Variants in GLIS3 observed in about 807,000 individuals in gnomAD.
GLIS3 encodes GLIS family zinc finger 3.
In GLIS3, 53 loss-of-function variants were observed where a neutral mutation model predicts 78.6. The ratio of observed to expected loss-of-function variants is 0.67; its 90% confidence interval spans 0.54 to 0.85. The LOEUF is 0.85. Ranked by LOEUF, GLIS3 falls within the 40% of genes least tolerant of loss-of-function variation. The pLI is 0.00. For missense variants in GLIS3, 1,703 were observed against 1,231.1 expected (o/e 1.38, Z -5.74); for synonymous variants, 684 against 509.9 (o/e 1.34, Z -4.60).
chr9:4,312,102 T>C (rs1817370105), intron 2 of GLIS3, among the ~76,000 whole-genome samples: 1 of 152,354 alleles, frequency 6.6e-6, no homozygotes, highest in South Asian at 2.1e-4. Context: ...TTTACCTGTA[T>C]AACAAACCTA....
At chr9:4,260,108 C>T (rs148583531) in intron 2 of GLIS3, among the ~76,000 whole-genome samples, 2 of 152,280 alleles carry the variant, frequency 1.3e-5, no homozygotes, top group African/African-American at 4.8e-5. Context: ...ATCCCCATAC[C>T]CTTCAGCTGA....
chr9:4,059,829 T>TGTGTGTGTGA, intron 4 of GLIS3, among the ~76,000 whole-genome samples: 1,621 of 100,646 alleles, frequency 0.016, 34 homozygotes, highest in Middle Eastern at 0.051. Flanking sequence ...TGTGTGTGTG[T>TGTGTGTGTGA]GAGAGAGAGA....
chr9:4,103,728 A>C (rs10814844), intron 4 of GLIS3, among the ~76,000 whole-genome samples: 44,301 of 152,132 alleles, frequency 0.29, 7,333 homozygotes, highest in South Asian at 0.43. Flanking sequence ...TTTTAAGAGC[A>C]TAAGACCATG....
chr9:4,156,451 T>C (rs1835046968), intron 2 of GLIS3, among the ~76,000 whole-genome samples: 1 of 152,208 alleles, frequency 6.6e-6, no homozygotes, highest in South Asian at 2.1e-4. Flanking sequence ...AGGTGCCAGC[T>C]GTATAACAAT....
the GLIS3 span, among the ~76,000 whole-genome samples, chr9:4,372,556 A>AT: frequency 3.7e-4 from 16 of 43,720 alleles, no homozygotes; most frequent in African/African-American, 2.1e-3. Flanking sequence ...CCCTCCAATA[A>AT]AAAAAAAAAA....
intron 4 of GLIS3, among the ~76,000 whole-genome samples, chr9:4,017,212 A>G (rs1437514642): frequency 6.6e-6 from 1 of 152,142 alleles, no homozygotes; most frequent in Non-Finnish European, 1.5e-5. Context: ...TTGGCTAGGC[A>G]TTTTCTTAGG....
chr9:4,215,952 T>C lies in GLIS3; in HGVS notation c.388+70086A>G, dbSNP rs137960843. On this transcript the variant is annotated intron_variant, in intron 2 of 10. Coordinates refer to ENST00000381971, the MANE Select transcript of GLIS3 (RefSeq NM_001042413.2). ...ACTAAAAAAGCTGATTCTAATGAAA[T>C]TATTAATTCAAATATAACTCTCATT... 7.7e-3 allele frequency among the ~76,000 whole-genome samples: 1,169 copies of C among 152,286 alleles called. 10 individuals carry two copies. Among genetic ancestry groups the C allele is most frequent in the Non-Finnish European group, 0.013 (851 of 68,022 alleles).
chr9:4,399,155 G>A, the GLIS3 span, among the ~76,000 whole-genome samples: 1 of 152,186 alleles, frequency 6.6e-6, no homozygotes, highest in Non-Finnish European at 1.5e-5. Flanking sequence ...CTAGAAGGAG[G>A]ATATTGACTG....
rs181363010 is a variant in GLIS3, at chr9:4,040,648, T to C, written c.1710+77120A>G. ...CCAGCACTTTGGAGAACTATTAATG[T>C]GGACGATAAAGACAGAGTTTCTTCA... On this transcript the variant is annotated intron_variant, in intron 4 of 10. Coordinates refer to ENST00000381971, the MANE Select transcript of GLIS3 (RefSeq NM_001042413.2). Among the ~76,000 whole-genome samples the C allele has an allele frequency of 3.6e-4, 55 of 152,290 alleles. No homozygotes were observed. The East Asian group carries it at 9.5e-3, about 26-fold the overall frequency.
chr9:4,369,887 G>C, the GLIS3 span, among the ~76,000 whole-genome samples: 1 of 152,116 alleles, frequency 6.6e-6, no homozygotes, highest in East Asian at 1.9e-4. Context: ...TGGAGAGATA[G>C]CAAAAGGAAT....
intron 4 of GLIS3, among the ~76,000 whole-genome samples, chr9:4,093,981 A>T (rs1352229258): frequency 1.3e-5 from 2 of 152,156 alleles, no homozygotes; most frequent in Non-Finnish European, 2.9e-5. Flanking sequence ...AGTTCTTAAG[A>T]GTGATTCATT....
chr9:4,024,247 C>T (rs922514958), intron 4 of GLIS3, among the ~76,000 whole-genome samples: 11 of 152,188 alleles, frequency 7.2e-5, no homozygotes, highest in Non-Finnish European at 1.2e-4. Flanking sequence ...AATAAACCTT[C>T]TCAAAAAGGA....
the GLIS3 span, among the ~76,000 whole-genome samples, chr9:4,426,337 G>A: frequency 6.6e-6 from 1 of 152,102 alleles, no homozygotes; most frequent in Non-Finnish European, 1.5e-5. Flanking sequence ...TGCTCCAAAG[G>A]TCTTCATCTG....
intron 2 of GLIS3, among the ~76,000 whole-genome samples, chr9:4,341,119 G>T (rs1430270533): frequency 6.6e-6 from 1 of 152,192 alleles, no homozygotes; most frequent in Non-Finnish European, 1.5e-5. Context: ...TAGAACTTAT[G>T]TGTTTCCTTT....
intron 6 of GLIS3, among the ~76,000 whole-genome samples, chr9:3,907,167 G>C (rs147407553): frequency 2.6e-5 from 4 of 152,282 alleles, no homozygotes; most frequent in Non-Finnish European, 5.9e-5. Flanking sequence ...TGTGCACTGG[G>C]GCTTTGTTTC....
At chr9:4,407,970 A>T in the GLIS3 span, among the ~76,000 whole-genome samples, 17 of 152,340 alleles carry the variant, frequency 1.1e-4, no homozygotes, top group African/African-American at 4.1e-4. Flanking sequence ...CTGAAAAGAC[A>T]TTTCTAAGAT....
intron 2 of GLIS3, among the ~76,000 whole-genome samples, chr9:4,235,329 G>C (rs1340228771): frequency 2.0e-5 from 3 of 151,320 alleles, no homozygotes; most frequent in Non-Finnish European, 4.4e-5. Context: ...GATGGGGGGA[G>C]TCATTGAGTG....
intron 2 of GLIS3, among the ~76,000 whole-genome samples, chr9:4,136,307 T>C (rs773429999): frequency 1.3e-5 from 2 of 152,192 alleles, no homozygotes; most frequent in Non-Finnish European, 2.9e-5. Flanking sequence ...AATCCCTTTG[T>C]ACTAGGTAAT....
chr9:3,899,051 G>C, intron 6 of GLIS3: 1 of 618,516 alleles, frequency 1.6e-6, no homozygotes, highest in East Asian at 2.9e-5. Context: ...AATGTGGCTA[G>C]AGGCGGATTT....
Sources: allele counts gnomAD v4.1 joint callset (sites outside exome capture counted in the v4.1 genomes callset), GRCh38; gene constraint gnomAD v4.1.1; transcripts MANE v1.5; gene names NCBI Gene and HGNC (gene_info 2026-07-23, HGNC 2026-07-21).